The following NCAM2 variants were observed in gnomAD, a reference collection of about 807,000 sequenced individuals.
NCAM2 encodes N-CAM-2.
In NCAM2, 30 loss-of-function variants were observed where a neutral mutation model predicts 98.1. The ratio of observed to expected loss-of-function variants is 0.31; its 90% CI spans 0.23 to 0.41. NCAM2 has a LOEUF of 0.41. Among genes scored for constraint, NCAM2 ranks in the 10% least tolerant of loss-of-function variants. NCAM2 has a pLI of 1.00. For missense variants in NCAM2, 867 were observed against 1,005.8 expected, an observed-to-expected ratio of 0.86 and a Z score of 1.87; for synonymous variants, 368 against 342.4, an observed-to-expected ratio of 1.07 and a Z score of -0.83.
intron 1 of NCAM2, among the ~76,000 whole-genome samples, chr21:21,005,242 T>G (rs758416512): frequency 1.3e-5 from 2 of 152,148 alleles, no homozygotes; most frequent in Non-Finnish European, 2.9e-5. Flanking sequence ...CATGGCCATG[T>G]GTAGGATGGA....
At chr21:21,040,960 A>C (rs2146260386) in intron 1 of NCAM2, among the ~76,000 whole-genome samples, 1 of 152,254 alleles carries the variant, frequency 6.6e-6, no homozygotes, top group East Asian at 1.9e-4. Context: ...CAAATGTTTG[A>C]GGGGGTGGAT....
At chr21:21,326,891 G>A (rs1320900148) in intron 6 of NCAM2, among the ~76,000 whole-genome samples, 1 of 152,042 alleles carries the variant, frequency 6.6e-6, no homozygotes, top group Non-Finnish European at 1.5e-5. Context: ...GACATGTCAT[G>A]TTTGTGGAAA....
chr21:21,373,909 C>T lies in NCAM2; in HGVS notation c.1091C>T (p.Ser364Leu). The change falls in exon 9 of 18, where the codon TCA (serine) becomes TTA (leucine). Residue 364 changes from serine (S) to leucine (L), a missense_variant. Ser to Leu is a moderately radical substitution (Grantham distance 145, BLOSUM62 -2). Coordinates refer to ENST00000400546, the MANE Select transcript of NCAM2 (RefSeq NM_004540.5). ...IEVKGQHGSS[S>L]LHIKDVKLSD... ...GTCAAAGGGCAGCATGGAAGCTCAT[C>T]ACTGCATATTAAAGATGTGAAGTTG... 6.2e-7 allele frequency: 1 copy of T among 1,610,816 alleles called. No homozygotes were observed. Among genetic ancestry groups the T allele is most frequent in the Non-Finnish European group, 8.5e-7 (1 of 1,178,086 alleles).
At chr21:21,076,580 AT>A (rs2065685793) in intron 1 of NCAM2, among the ~76,000 whole-genome samples, 1 of 152,070 alleles carries the variant, frequency 6.6e-6, no homozygotes, top group South Asian at 2.1e-4. Context: ...GGGTCAGTCT[AT>A]TTGATCTCAC....
intron 5 of NCAM2, among the ~76,000 whole-genome samples, chr21:21,309,676 G>A (rs1053705921): frequency 6.6e-6 from 1 of 152,082 alleles, no homozygotes; most frequent in South Asian, 2.1e-4. Context: ...AGTCCTGTCT[G>A]GCACTGTGGC....
intron 9 of NCAM2, among the ~76,000 whole-genome samples, chr21:21,388,596 A>G (rs1262157318): frequency 6.6e-6 from 1 of 152,222 alleles, no homozygotes; most frequent in Non-Finnish European, 1.5e-5. Flanking sequence ...ACATATGGCT[A>G]TGGAGCACTG....
At chr21:21,239,175 A>G (rs2070964702) in intron 1 of NCAM2, among the ~76,000 whole-genome samples, 1 of 152,206 alleles carries the variant, frequency 6.6e-6, no homozygotes. Context: ...GATGTTGGGC[A>G]AGCCCAATGC....
chr21:21,348,133 A>G (rs2075238921), intron 8 of NCAM2, among the ~76,000 whole-genome samples: 1 of 152,112 alleles, frequency 6.6e-6, no homozygotes, highest in African/African-American at 2.4e-5. Context: ...CAAGAGAAAG[A>G]TCTAAGTGAC....
At chr21:21,447,482 A>G (rs1208328759) in intron 12 of NCAM2, among the ~76,000 whole-genome samples, 1 of 152,198 alleles carries the variant, frequency 6.6e-6, no homozygotes, top group Non-Finnish European at 1.5e-5. Flanking sequence ...TTCAAGACGT[A>G]GGCATGGGCA....
intron 1 of NCAM2, among the ~76,000 whole-genome samples, chr21:21,115,027 G>T (rs921335840): frequency 9.9e-5 from 15 of 151,934 alleles, no homozygotes; most frequent in African/African-American, 3.6e-4. Context: ...CACCATGTTG[G>T]CCAGGCTGGT....
intron 5 of NCAM2, among the ~76,000 whole-genome samples, chr21:21,316,045 T>A (rs952628745): frequency 1.3e-5 from 2 of 152,190 alleles, no homozygotes; most frequent in African/African-American, 4.8e-5. Context: ...TTTTTATTGA[T>A]ATTTAATTGA....
chr21:21,403,338 C>T (rs2076671868), intron 9 of NCAM2, among the ~76,000 whole-genome samples: 1 of 152,102 alleles, frequency 6.6e-6, no homozygotes, highest in African/African-American at 2.4e-5. Flanking sequence ...CTGCCTCATC[C>T]ACTAGAATGT....
chr21:21,480,088 C>T (rs1602464456), intron 15 of NCAM2, among the ~76,000 whole-genome samples: 1 of 152,010 alleles, frequency 6.6e-6, no homozygotes, highest in Non-Finnish European at 1.5e-5. Flanking sequence ...TGCAACTGGC[C>T]GGGCGCGGTG....
At chr21:21,216,552 A>G (rs2147109722) in intron 1 of NCAM2, among the ~76,000 whole-genome samples, 1 of 152,330 alleles carries the variant, frequency 6.6e-6, no homozygotes, top group East Asian at 1.9e-4. Context: ...TTCTCCATAC[A>G]AAACTACAGC....
chr21:21,117,214 A>G (rs1407535541), intron 1 of NCAM2, among the ~76,000 whole-genome samples: 1 of 151,738 alleles, frequency 6.6e-6, no homozygotes, highest in African/African-American at 2.4e-5. Context: ...ACATTTCCCT[A>G]CCTCCCTCAT....
At chr21:21,179,431 T>C (rs1601580737) in intron 1 of NCAM2, among the ~76,000 whole-genome samples, 2 of 152,298 alleles carry the variant, frequency 1.3e-5, no homozygotes, top group South Asian at 4.1e-4. Context: ...CCTCCCCTCA[T>C]ATACTGTTTT....
intron 1 of NCAM2, among the ~76,000 whole-genome samples, chr21:21,252,452 G>A (rs888110094): frequency 4.7e-5 from 7 of 150,266 alleles, no homozygotes; most frequent in Admixed American, 6.7e-5. Context: ...TAATATATAC[G>A]ATATAATCTA....
chr21:21,490,659 T>C (rs1488680707), intron 15 of NCAM2, among the ~76,000 whole-genome samples: 1 of 151,920 alleles, frequency 6.6e-6, no homozygotes, highest in Non-Finnish European at 1.5e-5. Flanking sequence ...TTACAACTAC[T>C]GTTTTAAATA....
chr21:21,115,626 G>A (rs1276854515), intron 1 of NCAM2, among the ~76,000 whole-genome samples: 1 of 152,100 alleles, frequency 6.6e-6, no homozygotes, highest in Non-Finnish European at 1.5e-5. Flanking sequence ...TCTGATTACA[G>A]TCTTTTAAGA....
Sources: allele counts gnomAD v4.1 joint callset (sites outside exome capture counted in the v4.1 genomes callset), GRCh38; gene constraint gnomAD v4.1.1; transcripts MANE v1.5; gene names NCBI Gene and HGNC (gene_info 2026-07-23, HGNC 2026-07-21).